Variants in RBFOX1 observed in about 807,000 individuals in gnomAD.
RBFOX1 encodes RNA binding protein fox-1 homolog 1.
Under a neutral mutation model 57.7 loss-of-function variants are expected in RBFOX1, and 8 were observed. That is an observed-to-expected ratio of 0.14 (90% CI 0.08 to 0.25). The LOEUF (loss-of-function observed/expected upper bound fraction) is 0.25, where lower values mean the gene tolerates loss of function less well. RBFOX1 is among the 10% of genes least tolerant of loss of function. RBFOX1 has a pLI of 1.00. For synonymous variants in RBFOX1, 326 were observed against 222.4 expected (o/e 1.47, Z -4.15); for missense variants, 611 against 548.5 (o/e 1.11, Z -1.14).
At chr16:6,903,860 G>A (rs2069095711) in intron 3 of RBFOX1, among the ~76,000 whole-genome samples, 1 of 152,122 alleles carries the variant, frequency 6.6e-6, no homozygotes, top group Non-Finnish European at 1.5e-5. Flanking sequence ...GTCATTACTT[G>A]GAAAGGGTGG....
At chr16:5,967,851 T>C (rs1394528560) in intron 4 of RBFOX1, among the ~76,000 whole-genome samples, 2 of 152,058 alleles carry the variant, frequency 1.3e-5, no homozygotes, top group South Asian at 2.1e-4. Flanking sequence ...AAAGCAGGGG[T>C]ATTTTGCTTT....
chr16:6,399,674 A>G (rs942787994), intron 2 of RBFOX1, among the ~76,000 whole-genome samples: 14 of 152,204 alleles, frequency 9.2e-5, no homozygotes, highest in Middle Eastern at 3.2e-3. Context: ...ATTTTTGGGT[A>G]TCTTTACAGC....
chr16:7,304,320 A>C, intron 4 of RBFOX1: 1 of 985,086 alleles, frequency 1.0e-6, no homozygotes, highest in Non-Finnish European at 1.2e-6. Flanking sequence ...TGTAGCGCCC[A>C]GGCAGAGAGC....
intron 3 of RBFOX1, among the ~76,000 whole-genome samples, chr16:6,850,057 T>A (rs1158194123): frequency 6.6e-6 from 1 of 152,210 alleles, no homozygotes; most frequent in African/African-American, 2.4e-5. Context: ...CCTTTGTGCA[T>A]AGATACCTTC....
intron 2 of RBFOX1, among the ~76,000 whole-genome samples, chr16:6,634,048 T>C (rs2098411537): frequency 6.6e-6 from 1 of 151,754 alleles, no homozygotes; most frequent in Non-Finnish European, 1.5e-5. Flanking sequence ...AACCGATGCA[T>C]TTCTTATTGA....
intron 1 of RBFOX1, among the ~76,000 whole-genome samples, chr16:5,455,033 G>T (rs7500031): frequency 0.016 from 1,103 of 68,430 alleles, 40 homozygotes; most frequent in East Asian, 0.12. Flanking sequence ...CTCTCTCTCT[G>T]TCTGTCTCTC....
At chr16:5,500,189 C>T (rs928698047) in intron 2 of RBFOX1, among the ~76,000 whole-genome samples, 8 of 102,618 alleles carry the variant, frequency 7.8e-5, no homozygotes, top group African/African-American at 4.8e-4. Flanking sequence ...CCCTCCCTCC[C>T]TCCCTTCATT....
chr16:6,091,156 C>G (rs1465547267), intron 1 of RBFOX1, among the ~76,000 whole-genome samples: 4 of 152,192 alleles, frequency 2.6e-5, no homozygotes, highest in Non-Finnish European at 5.9e-5. Context: ...ACTCACTTCT[C>G]CTATCTAACT....
chr16:7,272,646 A>G (rs1265186631), intron 4 of RBFOX1, among the ~76,000 whole-genome samples: 1 of 145,246 alleles, frequency 6.9e-6, no homozygotes, highest in Non-Finnish European at 1.5e-5. Flanking sequence ...CAATCTGTGA[A>G]TTTTTACTTA....
At position 6,924,661 on chromosome 16, in the gene RBFOX1, T is replaced by C. The variant is rs570426518; in HGVS notation, c.-15-127396T>C. Among the ~76,000 whole-genome samples, 19 of 149,368 alleles carry C rather than the reference T, an allele frequency of 1.3e-4. No homozygotes were observed. The South Asian group carries it at 3.0e-3, about 24-fold the overall frequency. On this transcript the variant is annotated intron_variant, in intron 3 of 15. Transcript: ENST00000550418. ...TGTCCTTACTGTGATAAAATATTTC[T>C]ACCTTTATTCTTTTTTTTTTAATTT...
intron 3 of RBFOX1, among the ~76,000 whole-genome samples, chr16:6,752,108 C>T (rs1223164995): frequency 1.3e-5 from 2 of 152,094 alleles, no homozygotes; most frequent in African/African-American, 4.8e-5. Context: ...GACCCACTGC[C>T]TGCATGTACC....
chr16:6,945,920 C>T (rs138811589), intron 3 of RBFOX1, among the ~76,000 whole-genome samples: 2 of 152,296 alleles, frequency 1.3e-5, no homozygotes, highest in Non-Finnish European at 2.9e-5. Flanking sequence ...CTGGTGCTAA[C>T]CCTAAGCCCC....
At chr16:5,993,206 G>C (rs1211510725) in intron 4 of RBFOX1, among the ~76,000 whole-genome samples, 2 of 152,154 alleles carry the variant, frequency 1.3e-5, no homozygotes, top group African/African-American at 4.8e-5. Flanking sequence ...ATGGATGCAG[G>C]TACCTCAGAG....
chr16:6,607,083 G>C (rs2097943302), intron 2 of RBFOX1, among the ~76,000 whole-genome samples: 1 of 152,144 alleles, frequency 6.6e-6, no homozygotes, highest in Admixed American at 6.5e-5. Context: ...ACCTGAGGCT[G>C]CTGCCTTCCA....
At chr16:6,499,435 C>T (rs555723026) in intron 2 of RBFOX1, among the ~76,000 whole-genome samples, 1 of 151,780 alleles carries the variant, frequency 6.6e-6, no homozygotes, top group South Asian at 2.1e-4. Context: ...GTGTTTTTAT[C>T]CCATTGTAGG....
intron 6 of RBFOX1, among the ~76,000 whole-genome samples, chr16:7,584,746 T>C (rs913518905): frequency 6.6e-6 from 1 of 152,190 alleles, no homozygotes; most frequent in African/African-American, 2.4e-5. Context: ...TGTGTTTACA[T>C]CATTAGTAGC....
intron 2 of RBFOX1, among the ~76,000 whole-genome samples, chr16:6,637,125 A>G (rs1693856848): frequency 1.0e-5 from 1 of 97,854 alleles, no homozygotes; most frequent in Non-Finnish European, 1.8e-5. Flanking sequence ...ATATAAATTT[A>G]TATTATATAT....
At chr16:6,957,355 T>C (rs2082086096) in intron 3 of RBFOX1, among the ~76,000 whole-genome samples, 1 of 151,978 alleles carries the variant, frequency 6.6e-6, no homozygotes, top group Non-Finnish European at 1.5e-5. Flanking sequence ...ATGGTCTCGA[T>C]CTCCTGACTT....
intron 2 of RBFOX1, among the ~76,000 whole-genome samples, chr16:6,430,654 G>A (rs1349816759): frequency 6.6e-6 from 1 of 152,096 alleles, no homozygotes; most frequent in African/African-American, 2.4e-5. Context: ...GCCAGATGGG[G>A]GAGCGGGATG....
Sources: allele counts gnomAD v4.1 joint callset (sites outside exome capture counted in the v4.1 genomes callset), GRCh38; gene constraint gnomAD v4.1.1; transcripts MANE v1.5; gene names NCBI Gene and HGNC (gene_info 2026-07-23, HGNC 2026-07-21).